Variants in KAZN observed in about 807,000 individuals in gnomAD.
KAZN encodes the protein kazrin, periplakin interacting protein.
KAZN carries 40 observed loss-of-function variants against 87.4 expected under a neutral mutation model. That is an observed-to-expected ratio of 0.46 (90% CI 0.36 to 0.60). The LOEUF is 0.60. Among genes scored for constraint, KAZN ranks in the 20% least tolerant of loss-of-function variants. KAZN has a pLI of 0.00. For missense variants in KAZN, 898 were observed against 1,073.9 expected (o/e 0.84, Z 2.29); for synonymous variants, 466 against 458.3 (o/e 1.02, Z -0.22).
At chr1:13,961,387 G>A (rs1467011519) in intron 1 of KAZN, among the ~76,000 whole-genome samples, 1 of 152,162 alleles carries the variant, frequency 6.6e-6, no homozygotes, top group Admixed American at 6.5e-5. Context: ...CCATAAACAG[G>A]TGATCATAAA....
chr1:14,528,348 A>AG (rs1248772469), intron 2 of KAZN, among the ~76,000 whole-genome samples: 131 of 145,328 alleles, frequency 9.0e-4, no homozygotes, highest in African/African-American at 3.1e-3. Context: ...AAAAAAAAAA[A>AG]AAAAAAAAAA....
intron 1 of KAZN, among the ~76,000 whole-genome samples, chr1:13,988,388 T>A (rs1639120172): frequency 6.6e-6 from 1 of 152,170 alleles, no homozygotes; most frequent in South Asian, 2.1e-4. Context: ...TTTTATATCT[T>A]GTCCAAGTTA....
At chr1:13,997,639 T>C (rs1011029665) in intron 1 of KAZN, among the ~76,000 whole-genome samples, 1 of 151,578 alleles carries the variant, frequency 6.6e-6, no homozygotes, top group Non-Finnish European at 1.5e-5. Flanking sequence ...GACCACATTA[T>C]TGAAATAAGG....
intron 1 of KAZN, among the ~76,000 whole-genome samples, chr1:13,929,303 CTTGATTTAATCCAGTTAAA>C (rs1272738034): frequency 6.6e-6 from 1 of 152,096 alleles, no homozygotes; most frequent in African/African-American, 2.4e-5. Flanking sequence ...TTGAACGTGT[CTTGATTTAATCCAGTTAAA>C]AACTCAGGCT....
chr1:14,708,943 CTG>C (rs1642352523), intron 1 of KAZN, among the ~76,000 whole-genome samples: 2 of 152,312 alleles, frequency 1.3e-5, no homozygotes, highest in Admixed American at 6.5e-5. Context: ...ATGACCAGGA[CTG>C]TGTTTTATTT....
intron 1 of KAZN, among the ~76,000 whole-genome samples, chr1:14,683,087 G>C (rs1640767124): frequency 6.6e-6 from 1 of 152,202 alleles, no homozygotes; most frequent in Non-Finnish European, 1.5e-5. Context: ...GGAGGCGCCT[G>C]CTGACAGCGT....
At chr1:14,245,933 T>C (rs919895210) in intron 2 of KAZN, among the ~76,000 whole-genome samples, 6 of 152,192 alleles carry the variant, frequency 3.9e-5, no homozygotes, top group Non-Finnish European at 5.9e-5. Context: ...TCAACCCAAA[T>C]GCCCATCAAT....
Position 14,076,710 on chromosome 1 carries a change from G to A in KAZN, c.92-103725G>A, listed in dbSNP as rs188973988. Among the ~76,000 whole-genome samples the A allele has an allele frequency of 2.6e-5, 4 of 152,224 alleles. No homozygotes were observed. The South Asian group carries it at 8.3e-4, about 32-fold the overall frequency. On this transcript the variant is annotated intron_variant, in intron 1 of 16. Transcript: ENST00000636203. ...CCTATGGCTGCTTTCACCTGACCCC[G>A]GTGGAATTCAGTAATTGTGACAGAG... is the stretch of plus-strand genomic sequence containing the variant.
At chr1:14,126,618 G>A (rs989921366) in intron 1 of KAZN, among the ~76,000 whole-genome samples, 1 of 139,504 alleles carries the variant, frequency 7.2e-6, no homozygotes, top group Admixed American at 7.7e-5. Context: ...TTTTACAAAT[G>A]CAAAAGTATG....
chr1:14,346,508 A>G lies in KAZN; in HGVS notation c.249+165916A>G, dbSNP rs112487992. ...AGAGTAGGAGCACAAAGAAGGAGGTAGATAGAGAGTGGTTTGCAGTCGATA... is the reference window on the plus strand; with the variant it reads ...AGAGTAGGAGCACAAAGAAGGAGGTGGATAGAGAGTGGTTTGCAGTCGATA... On this transcript the variant is annotated intron_variant, in intron 2 of 16. Transcript: ENST00000636203. Among the ~76,000 whole-genome samples the G allele has an allele frequency of 8.3e-3, 1,259 of 152,220 alleles. 19 individuals carry two copies. Among genetic ancestry groups the G allele is most frequent in the African/African-American group, 0.029 (1,196 of 41,524 alleles).
At chr1:15,007,968 T>A (rs950866070) in intron 2 of KAZN, among the ~76,000 whole-genome samples, 8 of 152,264 alleles carry the variant, frequency 5.3e-5, no homozygotes, top group African/African-American at 1.9e-4. Flanking sequence ...CCCCTGCGAG[T>A]GGGACTGGTC....
intron 2 of KAZN, among the ~76,000 whole-genome samples, chr1:14,279,131 G>C (rs1406509059): frequency 6.6e-6 from 1 of 152,052 alleles, no homozygotes; most frequent in Non-Finnish European, 1.5e-5. Context: ...ACATAAAATT[G>C]TCATATTACT....
intron 1 of KAZN, among the ~76,000 whole-genome samples, chr1:14,043,806 A>G (rs1031039329): frequency 1.3e-5 from 2 of 152,158 alleles, no homozygotes; most frequent in African/African-American, 4.8e-5. Flanking sequence ...TGAAAAGCTG[A>G]TGTCCAAAAA....
intron 2 of KAZN, among the ~76,000 whole-genome samples, chr1:15,018,762 C>A (rs1000895455): frequency 6.6e-6 from 1 of 151,996 alleles, no homozygotes; most frequent in Non-Finnish European, 1.5e-5. Flanking sequence ...ATGCTGAATG[C>A]CAGAAGTAGA....
intron 2 of KAZN, among the ~76,000 whole-genome samples, chr1:14,457,216 C>T (rs1188450476): frequency 1.3e-5 from 2 of 152,172 alleles, no homozygotes; most frequent in Non-Finnish European, 2.9e-5. Flanking sequence ...TTATCCAAGG[C>T]CTAAATTTTG....
intron 1 of KAZN, among the ~76,000 whole-genome samples, chr1:14,715,900 G>T (rs1333156695): frequency 6.6e-6 from 1 of 152,170 alleles, no homozygotes; most frequent in Non-Finnish European, 1.5e-5. Flanking sequence ...AAACATTGAA[G>T]CCATCTCTAC....
At chr1:14,583,090 C>T (rs1675651852) in intron 2 of KAZN, among the ~76,000 whole-genome samples, 1 of 152,182 alleles carries the variant, frequency 6.6e-6, no homozygotes, top group Admixed American at 6.5e-5. Context: ...TCACAACAAA[C>T]CTATGCGACA....
intron 1 of KAZN, among the ~76,000 whole-genome samples, chr1:14,006,144 A>AC (rs1488075150): frequency 6.6e-6 from 1 of 152,186 alleles, no homozygotes; most frequent in African/African-American, 2.4e-5. Flanking sequence ...GTTGTAAAAA[A>AC]GCTGTTTAAT....
At chr1:14,140,385 G>A (rs1645210213) in intron 1 of KAZN, among the ~76,000 whole-genome samples, 2 of 152,010 alleles carry the variant, frequency 1.3e-5, no homozygotes, top group African/African-American at 4.8e-5. Context: ...CTTCGCAGGT[G>A]TAATAATAAT....
Sources: allele counts gnomAD v4.1 joint callset (sites outside exome capture counted in the v4.1 genomes callset), GRCh38; gene constraint gnomAD v4.1.1; transcripts MANE v1.5; gene names NCBI Gene and HGNC (gene_info 2026-07-23, HGNC 2026-07-21).